FSTL4: variants seen among roughly 807,000 people sequenced by gnomAD.
FSTL4 encodes the protein follistatin like 4, also known as follistatin-related protein 4.
In FSTL4, 28 loss-of-function variants were observed where a neutral mutation model predicts 78.2. That is an observed-to-expected ratio of 0.36 (90% CI 0.27 to 0.49). The LOEUF is 0.49. Ranked by LOEUF, FSTL4 falls within the 20% of genes least tolerant of loss-of-function variation. FSTL4 has a pLI of 0.98. For missense variants in FSTL4, 922 were observed against 1,084.9 expected (o/e 0.85, Z 2.11); for synonymous variants, 422 against 440.5 (o/e 0.96, Z 0.53).
At chr5:133,347,560 T>C (rs781015311) in intron 4 of FSTL4, among the ~76,000 whole-genome samples, 2 of 152,178 alleles carry the variant, frequency 1.3e-5, no homozygotes, top group Non-Finnish European at 2.9e-5. Flanking sequence ...GGTTTCACCA[T>C]GTTGGCCAGG....
At chr5:133,596,782 C>T (rs1373715301) in intron 2 of FSTL4, among the ~76,000 whole-genome samples, 2 of 152,230 alleles carry the variant, frequency 1.3e-5, no homozygotes, top group Admixed American at 1.3e-4. Flanking sequence ...TGAAACTCAC[C>T]CTGTGATTGA....
intron 4 of FSTL4, among the ~76,000 whole-genome samples, chr5:133,377,982 G>C (rs1755478408): frequency 6.6e-6 from 1 of 151,744 alleles, no homozygotes; most frequent in Admixed American, 6.6e-5. Context: ...AGCAGACAGT[G>C]GAATGACATA....
At chr5:133,340,280 CTT>C (rs1310863844) in intron 4 of FSTL4, among the ~76,000 whole-genome samples, 1 of 152,192 alleles carries the variant, frequency 6.6e-6, no homozygotes, top group Admixed American at 6.5e-5. Flanking sequence ...GAGAAATACT[CTT>C]TGAATTTTAG....
chr5:133,259,746 C>T (rs1447760113), intron 6 of FSTL4, among the ~76,000 whole-genome samples: 1 of 151,802 alleles, frequency 6.6e-6, no homozygotes, highest in African/African-American at 2.4e-5. Flanking sequence ...AGGAGAGAGA[C>T]AGGTGGTGAC....
At chr5:133,727,053 A>T in the FSTL4 span, among the ~76,000 whole-genome samples, 1 of 152,168 alleles carries the variant, frequency 6.6e-6, no homozygotes, top group Admixed American at 6.5e-5. Context: ...CCATCACTTT[A>T]TTCTCAACCA....
chr5:133,361,486 A>T lies in FSTL4; in HGVS notation c.409+39252T>A, dbSNP rs888136371. ...TCTTTTCATCCTTATCTGCCCAAGG[A>T]TCTCAGGGCTCCCTGGAGCATCAGA... is the stretch of plus-strand genomic sequence containing the variant. On this transcript the variant is annotated intron_variant, in intron 4 of 15. Transcript: ENST00000265342. This position sits in a 1 kb window ranked among gnomAD's most constrained non-coding sequence, Gnocchi z 4.3. Among the ~76,000 whole-genome samples, 1 of 152,130 alleles carries T rather than the reference A, an allele frequency of 6.6e-6. No individual in the cohort carries two copies. The highest frequency in any genetic ancestry group is 1.5e-5 in the Non-Finnish European group (1 of 68,030).
intron 3 of FSTL4, among the ~76,000 whole-genome samples, chr5:133,443,313 T>C (rs1561718728): frequency 6.6e-6 from 1 of 152,224 alleles, no homozygotes; most frequent in African/African-American, 2.4e-5. Flanking sequence ...AAAGAAGAAA[T>C]TGCAACATTT....
At chr5:133,480,641 G>A (rs1208313675) in intron 3 of FSTL4, among the ~76,000 whole-genome samples, 3 of 151,962 alleles carry the variant, frequency 2.0e-5, no homozygotes, top group Non-Finnish European at 4.4e-5. Flanking sequence ...TATGGACGCG[G>A]TGGGAGCCAG....
chr5:133,760,283 G>T, the FSTL4 span, among the ~76,000 whole-genome samples: 4 of 152,110 alleles, frequency 2.6e-5, no homozygotes, highest in Non-Finnish European at 4.4e-5. Context: ...TCATTTCAGG[G>T]CTCCTGCTCT....
At chr5:133,731,640 GTTATCC>G in the FSTL4 span, among the ~76,000 whole-genome samples, 3 of 152,126 alleles carry the variant, frequency 2.0e-5, no homozygotes, top group Admixed American at 2.0e-4. Context: ...GAGGGTCACA[GTTATCC>G]TTATACTATG....
chr5:133,826,926 A>G, the FSTL4 span, among the ~76,000 whole-genome samples: 26 of 152,316 alleles, frequency 1.7e-4, no homozygotes, highest in East Asian at 5.8e-4. Flanking sequence ...TGTGATTCCA[A>G]TAACAGGGCC....
chr5:133,483,401 A>G (rs1053271136), intron 3 of FSTL4, among the ~76,000 whole-genome samples: 1 of 152,196 alleles, frequency 6.6e-6, no homozygotes, highest in Admixed American at 6.5e-5. Context: ...ATGCCCCTAC[A>G]TGTGTGTGGA....
At chr5:133,780,119 G>C in the FSTL4 span, among the ~76,000 whole-genome samples, 2 of 152,168 alleles carry the variant, frequency 1.3e-5, no homozygotes, top group Non-Finnish European at 2.9e-5. Context: ...TGCCCCGAAA[G>C]GGATGAAAAT....
chr5:133,546,550 A>C (rs988656819), intron 3 of FSTL4, among the ~76,000 whole-genome samples: 5 of 149,756 alleles, frequency 3.3e-5, no homozygotes, highest in Non-Finnish European at 5.9e-5. Flanking sequence ...AAGTGTGTTC[A>C]GGAGAGGAAA....
chr5:133,385,633 T>G (rs1216475854), intron 4 of FSTL4, among the ~76,000 whole-genome samples: 1 of 152,144 alleles, frequency 6.6e-6, no homozygotes, highest in Non-Finnish European at 1.5e-5. Context: ...CCATACATAG[T>G]CCCCGGCTTT....
intron 3 of FSTL4, among the ~76,000 whole-genome samples, chr5:133,523,297 G>A (rs989836109): frequency 1.3e-5 from 2 of 152,130 alleles, no homozygotes; most frequent in African/African-American, 4.8e-5. Context: ...ATAAACTTCC[G>A]GTGTTGAAGC....
At chr5:133,414,287 G>T (rs924541205) in intron 3 of FSTL4, among the ~76,000 whole-genome samples, 1 of 152,128 alleles carries the variant, frequency 6.6e-6, no homozygotes, top group Non-Finnish European at 1.5e-5. Context: ...AAGATTTGAG[G>T]CAGGAACATT....
chr5:133,282,012 A>G (rs559199080), intron 6 of FSTL4, among the ~76,000 whole-genome samples: 2 of 152,168 alleles, frequency 1.3e-5, no homozygotes, highest in Non-Finnish European at 2.9e-5. Context: ...TCCCCGAAGC[A>G]TGAATTCATA....
chr5:133,289,537 C>G (rs1753209642), intron 6 of FSTL4, among the ~76,000 whole-genome samples: 1 of 152,222 alleles, frequency 6.6e-6, no homozygotes, highest in African/African-American at 2.4e-5. Flanking sequence ...CACTTTCTCC[C>G]CTTCCTGAAT....
Sources: gnomAD v4.1 joint callset for allele counts (sites outside exome capture counted in the v4.1 genomes callset) on GRCh38, gnomAD v4.1.1 for gene constraint, Gnocchi (gnomAD v3.1) non-coding constraint, MANE v1.5 for transcripts, NCBI Gene and HGNC (gene_info 2026-07-23, HGNC 2026-07-21) for gene names.